KCTD7: variants seen among roughly 807,000 people sequenced by gnomAD.
KCTD7 encodes the protein potassium channel tetramerization domain containing 7, also known as BTB/POZ domain-containing protein KCTD7.
KCTD7 carries 15 observed loss-of-function variants against 27.0 expected under a neutral mutation model. That is an observed-to-expected ratio of 0.56 (90% confidence interval 0.37 to 0.86). The LOEUF (loss-of-function observed/expected upper bound fraction) is 0.86. KCTD7 is among the 40% of genes least tolerant of loss of function. KCTD7 has a pLI of 0.00. For synonymous variants in KCTD7, 159 were observed against 162.7 expected, an observed-to-expected ratio of 0.98 and a Z score of 0.17; for missense variants, 299 against 398.9, an observed-to-expected ratio of 0.75 and a Z score of 2.13.
intron 1 of KCTD7, 56 bp downstream of exon 1, chr7:66,629,264 G>A: frequency 8.2e-7 from 1 of 1,217,250 alleles, no homozygotes. Flanking sequence ...GGGAGAAGCG[G>A]GCGCGGGGCA....
rs1786729804 is a variant in KCTD7 at position 66,641,986 on chromosome 7, T to G, written c.*2754T>G. 2.0e-6 allele frequency: 2 copies of G among 985,430 alleles called. No homozygotes were observed. The highest frequency in any genetic ancestry group is 9.4e-5 in the South Asian group (2 of 21,286). The allele number at this position is 985,430 out of a possible 1,614,324, so 61.0% of individuals were successfully genotyped here. A position where few individuals can be genotyped will look rare whatever the true frequency, so the allele number is the denominator to read the frequency against. Reference sequence around the variant, plus strand: ...CTTTATAGAATTGTTGTGCATAATGTCAGTAAATCCCTCTCACTTGACAAG... The same window carrying G: ...CTTTATAGAATTGTTGTGCATAATGGCAGTAAATCCCTCTCACTTGACAAG... On this transcript the variant is annotated 3_prime_UTR_variant, in exon 4 of 4. Transcript: ENST00000639828.
At chr7:66,638,122 G>T in intron 2 of KCTD7, 131 bp from the exon 3 acceptor site, 1 of 880,220 alleles carries the variant, frequency 1.1e-6, no homozygotes, top group Non-Finnish European at 1.9e-6. Context: ...CTGAGACATG[G>T]AGTAGTTAAG....
chr7:66,638,279 G>C lies in KCTD7; in HGVS notation c.341G>C (p.Gly114Ala). Residue 114 changes from glycine (G) to alanine (A), a missense_variant, in exon 3 of 4, where the codon GGG becomes GCG. By Grantham distance (60) the Gly-to-Ala change is moderately conservative. Transcript: ENST00000639828. ...FGDVLNFLRS[G>A]DLPPRERVRA... ...GATGTGCTGAATTTCCTGCGCTCAG[G>C]GGACCTCCCACCCAGGGAGCGTGTT... is the stretch of plus-strand genomic sequence containing the variant. The C allele has an allele frequency of 2.5e-6, 4 of 1,614,192 alleles. No homozygotes were observed. The highest frequency in any genetic ancestry group is 3.4e-6 in the Non-Finnish European group (4 of 1,180,032).
intron 2 of KCTD7, among the ~76,000 whole-genome samples, chr7:66,637,579 T>A (rs1786616627): frequency 6.6e-6 from 1 of 152,204 alleles, no homozygotes; most frequent in Non-Finnish European, 1.5e-5. Context: ...ATTATTTATT[T>A]GGTGGATACA....
Position 66,639,264 on chromosome 7 carries a change from A to G in KCTD7, c.*32A>G. On this transcript the variant is annotated 3_prime_UTR_variant, in exon 4 of 4. Transcript: ENST00000639828. ...CCGGTAGGCGAGAGTCCCATCAGGG[A>G]GGATGTCCACCTTGCTTGGTGGCTC... The G allele has an allele frequency of 6.2e-7, 1 of 1,604,400 alleles. No individual in the cohort carries two copies. The highest frequency in any genetic ancestry group is 1.3e-5 in the African/African-American group (1 of 75,036).
Position 66,629,226 on chromosome 7 carries a change from G to A in KCTD7, c.144+18G>A. 1 of 1,327,326 alleles carries A rather than the reference G, an allele frequency of 7.5e-7. No individual in the cohort carries two copies. Among genetic ancestry groups the A allele is most frequent in the South Asian group, 2.0e-5 (1 of 49,320 alleles). 82.2% of individuals were successfully genotyped at this position (1,327,326 alleles called of 1,614,324 possible). On this transcript the variant is annotated intron_variant, in intron 1 of 3. Coordinates refer to ENST00000639828, the MANE Select transcript of KCTD7 (RefSeq NM_153033.5). Reference sequence around the variant, plus strand: ...CACAGGAGGTACCCGGGCGGGCGGCGGGCCGCGGGGCGTGGGGAGGGGCGC... The same window carrying A: ...CACAGGAGGTACCCGGGCGGGCGGCAGGCCGCGGGGCGTGGGGAGGGGCGC...
chr7:66,632,125 T>C (rs1356839352), intron 1 of KCTD7, among the ~76,000 whole-genome samples: 1 of 152,164 alleles, frequency 6.6e-6, no homozygotes, highest in Admixed American at 6.6e-5. Context: ...TGAGGGGAAC[T>C]TGAATAGAAA....
intron 2 of KCTD7, among the ~76,000 whole-genome samples, chr7:66,635,114 G>C (rs1786557143): frequency 6.6e-6 from 1 of 150,978 alleles, no homozygotes; most frequent in East Asian, 2.0e-4. Flanking sequence ...CCAGGTGCAA[G>C]CAATTTTGCT....
At position 66,639,403 on chromosome 7, in the gene KCTD7, T is replaced by A. The variant is rs1786661581; in HGVS notation, c.*171T>A. On this transcript the variant is annotated 3_prime_UTR_variant, in exon 4 of 4. Transcript: ENST00000639828. ...GAGGTGTAGCTCCAATCTCCCTGAC[T>A]GCACCTCAGGGTTGGGCTCAGGGCT... 4 of 1,505,380 alleles carry A rather than the reference T, an allele frequency of 2.7e-6. No homozygotes were observed. In the South Asian group the frequency reaches 5.0e-5, roughly 19 times the overall value. The allele number at this position is 1,505,380 out of a possible 1,614,324, so 93.3% of individuals were successfully genotyped here.
Position 66,641,711 on chromosome 7 carries a change from A to G in KCTD7, c.*2479A>G. On this transcript the variant is annotated 3_prime_UTR_variant, in exon 4 of 4. Transcript: ENST00000639828. ...CAAGCTGAGAGCTCTTTCTAAATGG[A>G]GTGAAGGAATTCAGTGGCCTAGTTT... The G allele has an allele frequency of 1.0e-6, 1 of 985,396 alleles. No individual in the cohort carries two copies. The highest frequency in any genetic ancestry group is 1.7e-5 in the African/African-American group (1 of 57,344). 61.0% of individuals were successfully genotyped at this position (985,396 alleles called of 1,614,324 possible).
intron 3 of KCTD7, 107 bp from the exon 4 acceptor site, chr7:66,638,749 C>G: frequency 7.2e-7 from 1 of 1,389,406 alleles, no homozygotes; most frequent in Non-Finnish European, 1.0e-6. Flanking sequence ...GGAAATCTGT[C>G]TTTCCCCTCC....
At chr7:66,629,719 AG>A (rs2116757127) in intron 1 of KCTD7, among the ~76,000 whole-genome samples, 1 of 152,284 alleles carries the variant, frequency 6.6e-6, no homozygotes, top group African/African-American at 2.4e-5. Flanking sequence ...AATAAAAAAA[AG>A]AAAAGAAAAA....
chr7:66,629,266 C>A (rs935541837), intron 1 of KCTD7, 58 bp downstream of exon 1: 24 of 495,834 alleles, frequency 4.8e-5, no homozygotes, highest in South Asian at 4.4e-4. Flanking sequence ...GAGAAGCGGG[C>A]GCGGGGCATA....
chr7:66,636,175 C>G (rs1479040875), intron 2 of KCTD7, among the ~76,000 whole-genome samples: 1 of 152,110 alleles, frequency 6.6e-6, no homozygotes, highest in Non-Finnish European at 1.5e-5. Context: ...TACTATACAG[C>G]TTATGTATCC....
At chr7:66,643,145 G>A (rs1786757993), downstream of KCTD7, 12 of 963,850 alleles carry the variant, frequency 1.2e-5, no homozygotes, top group Non-Finnish European at 1.5e-5. Flanking sequence ...TTAAAATGTG[G>A]TGTGTTTGGG....
chr7:66,633,161 T>A (rs1786493550), intron 1 of KCTD7, 114 bp from the exon 2 acceptor site: 4 of 1,056,386 alleles, frequency 3.8e-6, no homozygotes, highest in Non-Finnish European at 5.8e-6. Context: ...ACCCGTGGGC[T>A]TGAGTGACTG....
At chr7:66,643,179 C>G (rs1786758740), downstream of KCTD7, 1 of 985,210 alleles carries the variant, frequency 1.0e-6, no homozygotes, top group Admixed American at 6.2e-5. Flanking sequence ...ACAAGACAGG[C>G]TTTTCCCTGA....
rs200575329 is a variant in KCTD7 at position 66,633,381 on chromosome 7, G to A, written c.251G>A (p.Arg84Gln). The change falls in exon 2 of 4, where the codon CGG becomes CAG. Residue 84 changes from arginine (R) to glutamine (Q), a missense_variant. By Grantham distance (43) the Arg-to-Gln change is conservative. Transcript: ENST00000639828. ...ATGTTGGCAGCCATGTTCAGTGGGC[G>A]GCACTACATCCCCACGGACTCCGAG... The part of the protein sequence containing the change: ...DTMLAAMFSG[R>Q]HYIPTDSEGR... 2.5e-6 allele frequency: 4 copies of A among 1,613,912 alleles called. No individual in the cohort carries two copies. Among genetic ancestry groups the A allele is most frequent in the African/African-American group, 2.7e-5 (2 of 74,886 alleles).
At chr7:66,637,301 G>T (rs1158447722) in intron 2 of KCTD7, among the ~76,000 whole-genome samples, 3 of 152,094 alleles carry the variant, frequency 2.0e-5, no homozygotes, top group Non-Finnish European at 2.9e-5. Flanking sequence ...GGCCAGGCTG[G>T]TCTTAAACTC....
Sources: gnomAD v4.1 joint callset for allele counts (sites outside exome capture counted in the v4.1 genomes callset) on GRCh38, gnomAD v4.1.1 for gene constraint, MANE v1.5 for transcripts, NCBI Gene and HGNC (gene_info 2026-07-23, HGNC 2026-07-21) for gene names.